Variants in VRK2 observed in about 807,000 individuals in gnomAD.
VRK2 encodes serine/threonine-protein kinase VRK2.
In VRK2, 60 loss-of-function variants were observed where a neutral mutation model predicts 57.6. The ratio of observed to expected loss-of-function variants is 1.04; its 90% CI spans 0.85 to 1.29. The LOEUF is 1.29. Ranked by LOEUF, VRK2 falls within the 50% of genes most tolerant of loss-of-function variation. The pLI, the probability that VRK2 is intolerant of heterozygous loss-of-function variation, is 0.00. For missense variants in VRK2, 705 were observed against 588.1 expected (o/e 1.20, Z -2.06); for synonymous variants, 231 against 199.2 (o/e 1.16, Z -1.35).
chr2:58,129,219 A>G (rs1417865269), intron 8 of VRK2, among the ~76,000 whole-genome samples: 1 of 152,190 alleles, frequency 6.6e-6, no homozygotes, highest in Non-Finnish European at 1.5e-5. Context: ...TATACTGTCC[A>G]TAATTACATT....
intron 1 of VRK2, among the ~76,000 whole-genome samples, chr2:57,971,199 A>C (rs1285785827): frequency 6.6e-6 from 1 of 152,016 alleles, no homozygotes; most frequent in Non-Finnish European, 1.5e-5. Context: ...TGTGGGACAA[A>C]ATCCAGAGGA....
intron 9 of VRK2, among the ~76,000 whole-genome samples, chr2:58,134,229 T>G (rs1398304124): frequency 1.3e-5 from 2 of 152,132 alleles, no homozygotes; most frequent in South Asian, 2.1e-4. Context: ...GCATTAAACT[T>G]AGGAAGGTCA....
At chr2:58,146,500 T>C (rs756419154) in intron 12 of VRK2, 26 bp downstream of exon 12, 1 of 1,595,736 alleles carries the variant, frequency 6.3e-7, no homozygotes, top group Admixed American at 1.7e-5. Flanking sequence ...GTGTGTGTTT[T>C]TTCTAACTTA....
chr2:58,090,051 T>G (rs903034417), intron 7 of VRK2, among the ~76,000 whole-genome samples: 3 of 152,168 alleles, frequency 2.0e-5, no homozygotes, highest in Non-Finnish European at 4.4e-5. Flanking sequence ...ATGTAGAGGT[T>G]AAAACACTGT....
rs562972316 is a variant in VRK2, at chr2:58,151,402, T to C, written c.1182+4928T>C. On this transcript the variant is annotated intron_variant, in intron 12 of 12. Coordinates refer to ENST00000340157, the MANE Select transcript of VRK2 (RefSeq NM_006296.7). Reference sequence around the variant, plus strand: ...TGACTTTTAACAATTCCAGCCTTCCTATGATTAACATTTATACATTGTATC... The same window carrying C: ...TGACTTTTAACAATTCCAGCCTTCCCATGATTAACATTTATACATTGTATC... 5.3e-5 allele frequency among the ~76,000 whole-genome samples: 8 copies of C among 151,988 alleles called. No homozygotes were observed. In the South Asian group the frequency reaches 1.4e-3, roughly 28 times the overall value.
At chr2:57,930,100 C>A (rs922774725) in intron 1 of VRK2, among the ~76,000 whole-genome samples, 1 of 152,158 alleles carries the variant, frequency 6.6e-6, no homozygotes, top group Non-Finnish European at 1.5e-5. Context: ...CCCTGTAGAT[C>A]TCCTGGCCCC....
intron 1 of VRK2, among the ~76,000 whole-genome samples, chr2:57,926,849 T>G (rs1670555411): frequency 1.3e-5 from 2 of 152,096 alleles, no homozygotes; most frequent in South Asian, 2.1e-4. Context: ...GTTTAGTTTT[T>G]TTATATTCAA....
At chr2:58,123,366 G>T in intron 8 of VRK2, 133 bp downstream of exon 8, 4 of 1,100,732 alleles carry the variant, frequency 3.6e-6, no homozygotes, top group Non-Finnish European at 3.7e-6. Context: ...TTTATCAAAA[G>T]TAATGAATTC....
At chr2:58,006,650 C>T (rs1354293385) in intron 1 of VRK2, among the ~76,000 whole-genome samples, 3 of 151,978 alleles carry the variant, frequency 2.0e-5, no homozygotes, top group Non-Finnish European at 2.9e-5. Flanking sequence ...ATGCCAAGGG[C>T]CAAGAGGCAG....
At chr2:58,002,760 CA>C (rs1352337272) in intron 1 of VRK2, among the ~76,000 whole-genome samples, 1 of 152,088 alleles carries the variant, frequency 6.6e-6, no homozygotes, top group African/African-American at 2.4e-5. Context: ...AGGTGTTTTA[CA>C]ATATAAAGTT....
intron 10 of VRK2, among the ~76,000 whole-genome samples, chr2:58,137,156 T>TTGTATATATCATATATCATATATATCA (rs1558686492): frequency 0.011 from 276 of 24,472 alleles, 19 homozygotes; most frequent in African/African-American, 0.031. Flanking sequence ...TATCATGTGT[T>TTGTATATATCATATATCATATATATCA]TATATATATC....
chr2:57,963,908 C>T (rs1466086180), intron 1 of VRK2, among the ~76,000 whole-genome samples: 2 of 152,278 alleles, frequency 1.3e-5, no homozygotes, highest in South Asian at 4.1e-4. Context: ...TAATGACATT[C>T]CCAGTATAGT....
chr2:57,938,496 T>G (rs1425043904), intron 1 of VRK2, among the ~76,000 whole-genome samples: 1 of 144,160 alleles, frequency 6.9e-6, no homozygotes, highest in African/African-American at 2.7e-5. Context: ...TCCATTGTAA[T>G]TTTTGTAATT....
chr2:58,039,679 A>AAAAAGCAG (rs1474883621), intron 3 of VRK2, among the ~76,000 whole-genome samples: 1 of 152,120 alleles, frequency 6.6e-6, no homozygotes, highest in East Asian at 1.9e-4. Context: ...TGTTAATTGA[A>AAAAAGCAG]AAAAGCAGAA....
chr2:58,001,535 G>A (rs1238980131), intron 1 of VRK2, among the ~76,000 whole-genome samples: 1 of 152,042 alleles, frequency 6.6e-6, no homozygotes. Flanking sequence ...TAAAATATAT[G>A]AGTTGGCCCA....
upstream of VRK2, among the ~76,000 whole-genome samples, chr2:58,041,794 C>CAG: frequency 6.6e-6 from 1 of 152,162 alleles, no homozygotes; most frequent in Non-Finnish European, 1.5e-5. Flanking sequence ...CATCAGTAAA[C>CAG]TAATACCCTT....
chr2:57,972,577 G>A (rs1014284417), intron 1 of VRK2, among the ~76,000 whole-genome samples: 8 of 151,706 alleles, frequency 5.3e-5, no homozygotes, highest in East Asian at 1.9e-4. Flanking sequence ...GGGAGATTAC[G>A]CCATGAATTC....
chr2:58,041,601 G>GT (rs1674458780), intron 3 of VRK2, among the ~76,000 whole-genome samples: 1 of 152,112 alleles, frequency 6.6e-6, no homozygotes, highest in Admixed American at 6.5e-5. Flanking sequence ...TCTTTGACAT[G>GT]TTTTGAAATG....
At position 58,159,643 on chromosome 2, in the gene VRK2, A is replaced by G. The variant is rs1275459390; in HGVS notation, c.1477A>G (p.Ile493Val). Residue 493 changes from isoleucine to valine, a missense_variant, in exon 13 of 13, where the codon ATC becomes GTC. Transcript: ENST00000340157. ...TNADVYYYRI[I>V]IPVLLMLVFL... Reference sequence around the variant, plus strand: ...CGCAGATGTTTATTATTATCGCATCATCATACCTGTCCTTTTGATGTTAGT... The same window carrying G: ...CGCAGATGTTTATTATTATCGCATCGTCATACCTGTCCTTTTGATGTTAGT... The G allele has an allele frequency of 6.2e-7, 1 of 1,613,758 alleles. No homozygotes were observed. Among genetic ancestry groups the G allele is most frequent in the Admixed American group, 1.7e-5 (1 of 59,982 alleles).
Sources: gnomAD v4.1 joint callset for allele counts (sites outside exome capture counted in the v4.1 genomes callset) on GRCh38, gnomAD v4.1.1 for gene constraint, MANE v1.5 for transcripts, NCBI Gene and HGNC (gene_info 2026-07-23, HGNC 2026-07-21) for gene names.